The following MAP3K13 variants were observed in gnomAD, a reference collection of about 807,000 sequenced individuals.
MAP3K13 encodes mitogen-activated protein kinase kinase kinase 13, also known as leucine zipper-bearing kinase.
MAP3K13 carries 52 observed loss-of-function variants against 104.0 expected under a neutral mutation model. The ratio of observed to expected loss-of-function variants is 0.50; its 90% CI spans 0.40 to 0.63. The LOEUF (loss-of-function observed/expected upper bound fraction) is 0.63, where lower values mean the gene tolerates loss of function less well. MAP3K13 is among the 20% of genes least tolerant of loss of function. The pLI is 0.00. For synonymous variants in MAP3K13, 394 were observed against 442.2 expected (o/e 0.89, Z 1.37); for missense variants, 914 against 1,218.5 (o/e 0.75, Z 3.72).
rs1478229560 is a variant in MAP3K13, at chr3:185,483,978, C to G, written c.*1522C>G. 1 of 152,146 alleles carries G rather than the reference C, an allele frequency of 6.6e-6. No homozygotes were observed. The highest frequency in any genetic ancestry group is 1.5e-5 in the Non-Finnish European group (1 of 68,062). 9.4% of individuals were successfully genotyped at this position (152,146 alleles called of 1,614,324 possible). A position where few individuals can be genotyped will look rare whatever the true frequency, so the allele number is the denominator to read the frequency against. On this transcript the variant is annotated 3_prime_UTR_variant, in exon 14 of 14. Transcript: ENST00000265026. ...CCGCCTGCCTCGGCCTCCCAAAGTG[C>G]TGGGATTACAGGCATCAGCCACTGT... is the stretch of plus-strand genomic sequence containing the variant.
At chr3:185,437,669 T>G in intron 3 of MAP3K13, 39 bp downstream of exon 3, 1 of 1,545,090 alleles carries the variant, frequency 6.5e-7, no homozygotes, top group Non-Finnish European at 8.7e-7. Flanking sequence ...GTAGACCTAT[T>G]TTCTTTCCCC....
intron 2 of MAP3K13, among the ~76,000 whole-genome samples, chr3:185,320,884 A>G (rs1721830197): frequency 6.6e-6 from 1 of 152,218 alleles, no homozygotes; most frequent in Non-Finnish European, 1.5e-5. Flanking sequence ...TGTGTACTAC[A>G]CTTAAGTCAG....
At chr3:185,359,851 A>G (rs886394664), upstream of MAP3K13, among the ~76,000 whole-genome samples, 1 of 152,120 alleles carries the variant, frequency 6.6e-6, no homozygotes, top group Non-Finnish European at 1.5e-5. Context: ...GGTATTTCTG[A>G]CAAAAATTGC....
intron 2 of MAP3K13, among the ~76,000 whole-genome samples, chr3:185,298,570 G>A (rs1720995475): frequency 6.6e-6 from 1 of 151,992 alleles, no homozygotes; most frequent in African/African-American, 2.4e-5. Context: ...TTATTTATTT[G>A]ATGGAACTTT....
chr3:185,440,117 A>G (rs916387971), intron 3 of MAP3K13, among the ~76,000 whole-genome samples: 1 of 152,248 alleles, frequency 6.6e-6, no homozygotes, highest in African/African-American at 2.4e-5. Flanking sequence ...TAAGAATGCT[A>G]TACTCTTTTT....
intron 2 of MAP3K13, among the ~76,000 whole-genome samples, chr3:185,344,584 A>G (rs909079147): frequency 6.6e-6 from 1 of 152,196 alleles, no homozygotes; most frequent in African/African-American, 2.4e-5. Context: ...TAGCCATTTA[A>G]TAATCACTTC....
At chr3:185,392,803 C>CT (rs1324608485) in intron 1 of MAP3K13, among the ~76,000 whole-genome samples, 1 of 152,068 alleles carries the variant, frequency 6.6e-6, no homozygotes, top group African/African-American at 2.4e-5. Context: ...AATCCCAGCA[C>CT]TTTGGGAGCC....
At chr3:185,400,905 G>GTTTTTTTTTTTTTTTTTTTTTTTTTTT (rs71164506) in intron 1 of MAP3K13, among the ~76,000 whole-genome samples, 1 of 107,292 alleles carries the variant, frequency 9.3e-6, no homozygotes, top group Non-Finnish European at 1.8e-5. Context: ...GTGTTTGTTT[G>GTTTTTTTTTTTTTTTTTTTTTTTTTTT]TTTTTTTTTT....
intron 3 of MAP3K13, 91 bp from the exon 4 acceptor site, chr3:185,443,354 T>C (rs569242652): frequency 8.6e-6 from 7 of 816,338 alleles, no homozygotes; most frequent in African/African-American, 5.2e-5. Flanking sequence ...ATAATTCGGG[T>C]ATAGAATTGG....
chr3:185,434,908 T>C (rs988001108), intron 2 of MAP3K13, among the ~76,000 whole-genome samples: 4 of 152,214 alleles, frequency 2.6e-5, no homozygotes, highest in Admixed American at 6.5e-5. Flanking sequence ...GTTATGTTCT[T>C]GCCCCAGAGT....
At chr3:185,404,482 G>A (rs1283950010) in intron 1 of MAP3K13, among the ~76,000 whole-genome samples, 4 of 152,170 alleles carry the variant, frequency 2.6e-5, no homozygotes, top group South Asian at 2.1e-4. Flanking sequence ...CTATGGAAAC[G>A]GAATGGATTG....
chr3:185,296,707 C>T, intron 2 of MAP3K13, among the ~76,000 whole-genome samples: 1 of 152,104 alleles, frequency 6.6e-6, no homozygotes, highest in East Asian at 1.9e-4. Flanking sequence ...GCCCTTAGAA[C>T]TTATTTATTA....
intron 2 of MAP3K13, among the ~76,000 whole-genome samples, chr3:185,332,550 TTCC>T (rs1476381178): frequency 2.6e-5 from 4 of 152,206 alleles, no homozygotes; most frequent in Non-Finnish European, 4.4e-5. Context: ...AACTCTCCAC[TTCC>T]TCCTCCTGCT....
At chr3:185,408,641 C>A (rs1244108216) in intron 1 of MAP3K13, among the ~76,000 whole-genome samples, 1 of 151,776 alleles carries the variant, frequency 6.6e-6, no homozygotes, top group East Asian at 1.9e-4. Flanking sequence ...TTTAGTATAT[C>A]CTGTATACAA....
chr3:185,399,027 T>C (rs1178989704), intron 1 of MAP3K13, among the ~76,000 whole-genome samples: 2 of 152,192 alleles, frequency 1.3e-5, no homozygotes, highest in South Asian at 2.1e-4. Flanking sequence ...TGGGCTTTGA[T>C]GCTAGTAGTT....
intron 7 of MAP3K13, among the ~76,000 whole-genome samples, chr3:185,456,618 G>A: frequency 5.0e-5 from 1 of 19,894 alleles, no homozygotes; most frequent in African/African-American, 1.8e-4. Flanking sequence ...TTTTTTTTTT[G>A]AGACGGAGTC....
intron 2 of MAP3K13, among the ~76,000 whole-genome samples, chr3:185,356,566 C>T (rs575507114): frequency 6.6e-6 from 1 of 152,298 alleles, no homozygotes; most frequent in Non-Finnish European, 1.5e-5. Flanking sequence ...AGACGACAGC[C>T]CTCTGCCTAC....
intron 2 of MAP3K13, among the ~76,000 whole-genome samples, chr3:185,309,283 G>A (rs1436998186): frequency 6.6e-6 from 1 of 152,112 alleles, no homozygotes; most frequent in Admixed American, 6.5e-5. Context: ...GGTGGTGGGT[G>A]GATTGCTTCA....
chr3:185,413,913 A>G (rs1052457209), intron 1 of MAP3K13, among the ~76,000 whole-genome samples: 1 of 152,214 alleles, frequency 6.6e-6, no homozygotes, highest in Non-Finnish European at 1.5e-5. Flanking sequence ...ATCTTTAGTT[A>G]TTGCTAAGAA....
Sources: allele counts gnomAD v4.1 joint callset (sites outside exome capture counted in the v4.1 genomes callset), GRCh38; gene constraint gnomAD v4.1.1; transcripts MANE v1.5; gene names NCBI Gene and HGNC (gene_info 2026-07-23, HGNC 2026-07-21).